The following DAB2IP variants were observed in gnomAD, a reference collection of about 807,000 sequenced individuals.
DAB2IP encodes the protein DAB2 interacting protein.
A neutral mutation model predicts 107.2 loss-of-function variants in DAB2IP; 28 were observed. That is an observed-to-expected ratio of 0.26 (90% CI 0.19 to 0.36). The LOEUF (loss-of-function observed/expected upper bound fraction) is 0.36, where lower values mean the gene tolerates loss of function less well. Ranked by LOEUF, DAB2IP falls within the 10% of genes least tolerant of loss-of-function variation. The probability of loss-of-function intolerance (pLI) is 1.00; values close to 1 mark genes in which losing one functional copy is unlikely to be tolerated. For synonymous variants in DAB2IP, 755 were observed against 706.4 expected, an observed-to-expected ratio of 1.07 and a Z score of -1.09; for missense variants, 1,400 against 1,644.7, an observed-to-expected ratio of 0.85 and a Z score of 2.57.
At chr9:121,759,430 C>T (rs1299865543) in intron 5 of DAB2IP, among the ~76,000 whole-genome samples, 1 of 152,214 alleles carries the variant, frequency 6.6e-6, no homozygotes, top group Non-Finnish European at 1.5e-5. Flanking sequence ...GGAGCCCCCA[C>T]TGTAATCCCT....
intron 1 of DAB2IP, among the ~76,000 whole-genome samples, chr9:121,675,840 G>C (rs890236368): frequency 6.6e-6 from 1 of 152,230 alleles, no homozygotes; most frequent in Middle Eastern, 3.2e-3. Flanking sequence ...GGACAGGAGG[G>C]TGCTCCAGGT....
Position 121,699,042 on chromosome 9 carries a change from C to T in DAB2IP, c.229-283C>T, listed in dbSNP as rs1257012069. On this transcript the variant is annotated intron_variant, in intron 2 of 15. Transcript: ENST00000408936. The surrounding 1 kb of genome is among the most constrained non-coding windows in gnomAD (Gnocchi z 6.2). ...CGGGGGGCTCGGGCAGCCTCGGCCGCGGTCGGCGCGGCTCGGCTCGGCGTC... is the reference window on the plus strand; with the variant it reads ...CGGGGGGCTCGGGCAGCCTCGGCCGTGGTCGGCGCGGCTCGGCTCGGCGTC... Among the ~76,000 whole-genome samples the T allele has an allele frequency of 2.0e-5, 3 of 150,518 alleles. No homozygotes were observed. The East Asian group carries it at 5.9e-4, about 30-fold the overall frequency.
intron 1 of DAB2IP, among the ~76,000 whole-genome samples, chr9:121,625,241 C>CTTTT (rs55645811): frequency 7.0e-5 from 9 of 127,836 alleles, no homozygotes; most frequent in Non-Finnish European, 8.0e-5. Context: ...AGTGGCTGGG[C>CTTTT]TTTTTTTTTT....
rs143088901 is a variant in DAB2IP, at chr9:121,677,001, G to C, written c.125-1677G>C. ...TTCAATGAGCTGTCACCATTTAAGAGTCAGAATACTTCATATTTTGAAAAA... is the reference window on the plus strand; with the variant it reads ...TTCAATGAGCTGTCACCATTTAAGACTCAGAATACTTCATATTTTGAAAAA... On this transcript the variant is annotated intron_variant, in intron 1 of 15. Transcript: ENST00000408936. Among the ~76,000 whole-genome samples the C allele has an allele frequency of 1.2e-3, 190 of 152,340 alleles. 1 individual carries two copies. The highest frequency in any genetic ancestry group is 6.9e-3 in the East Asian group (36 of 5,180).
At position 121,776,679 on chromosome 9, in the gene DAB2IP, T is replaced by C. The variant is rs964872815; in HGVS notation, c.3314+288T>C. On this transcript the variant is annotated intron_variant, in intron 14 of 15. Coordinates refer to ENST00000408936, the Ensembl canonical transcript of DAB2IP. The surrounding 1 kb of genome is among the most constrained non-coding windows in gnomAD (Gnocchi z 5.4). ...TCTACAAGGAGCCATACCATCTTAG[T>C]AAGCACTCTCAGGGGCGCTGAGAAG... 2.0e-5 allele frequency among the ~76,000 whole-genome samples: 3 copies of C among 152,002 alleles called. No individual in the cohort carries two copies. Among genetic ancestry groups the C allele is most frequent in the Non-Finnish European group, 4.4e-5 (3 of 67,976 alleles).
intron 9 of DAB2IP, 117 bp from the exon 10 acceptor site, chr9:121,768,315 G>A (rs1834442387): frequency 9.1e-7 from 1 of 1,100,142 alleles, no homozygotes; most frequent in South Asian, 1.3e-5. Flanking sequence ...CTTGGGGAGT[G>A]AATGGAGTGG....
chr9:121,759,792 T>C (rs1833756726), intron 5 of DAB2IP, 93 bp from the exon 6 acceptor site: 2 of 1,206,256 alleles, frequency 1.7e-6, no homozygotes, highest in East Asian at 2.6e-5. Context: ...TCAGAGCTCC[T>C]CCTGGGTCTG....
At chr9:121,601,070 A>C (rs1830671886) in intron 1 of DAB2IP, among the ~76,000 whole-genome samples, 1 of 152,188 alleles carries the variant, frequency 6.6e-6, no homozygotes, top group Non-Finnish European at 1.5e-5. Flanking sequence ...TTGTAGGCTC[A>C]GGTTTAAACA....
At chr9:121,642,984 G>A (rs1832415435) in intron 1 of DAB2IP, among the ~76,000 whole-genome samples, 1 of 150,220 alleles carries the variant, frequency 6.7e-6, no homozygotes, top group African/African-American at 2.4e-5. Context: ...TTGTGGGAAT[G>A]AGGCAGCAGG....
At chr9:121,628,568 C>T (rs1287520738) in intron 1 of DAB2IP, among the ~76,000 whole-genome samples, 1 of 152,204 alleles carries the variant, frequency 6.6e-6, no homozygotes, top group Non-Finnish European at 1.5e-5. Flanking sequence ...ACTTTTGAAT[C>T]TGCAGAGTGT....
intron 3 of DAB2IP, among the ~76,000 whole-genome samples, chr9:121,748,478 C>T (rs1210997651): frequency 6.6e-6 from 1 of 152,224 alleles, no homozygotes. Flanking sequence ...CTTTAGAGAA[C>T]GTCCTAAAGC....
chr9:121,735,222 T>C (rs531321208), intron 3 of DAB2IP, among the ~76,000 whole-genome samples: 106 of 152,280 alleles, frequency 7.0e-4, no homozygotes, highest in Middle Eastern at 3.4e-3. Context: ...TGGTGTGGAC[T>C]GATGCAAATG....
At chr9:121,626,464 A>C (rs372183852) in intron 1 of DAB2IP, among the ~76,000 whole-genome samples, 203 of 140,712 alleles carry the variant, frequency 1.4e-3, no homozygotes, top group African/African-American at 5.1e-3. Flanking sequence ...TGCTCTATTG[A>C]CCAGGCTGGA....
intron 3 of DAB2IP, among the ~76,000 whole-genome samples, chr9:121,749,999 G>A (rs1219009277): frequency 1.3e-5 from 2 of 152,138 alleles, no homozygotes; most frequent in African/African-American, 2.4e-5. Flanking sequence ...GCAATGAGGT[G>A]GGCGAATGGA....
chr9:121,757,156 A>G (rs1338860947), exon 4 of DAB2IP: 1 of 1,613,896 alleles, frequency 6.2e-7, no homozygotes, highest in Admixed American at 1.7e-5. Context: ...GGCCAGGACT[A>G]CTGCTTCGAG....
rs574105976 is a variant in DAB2IP at position 121,635,261 on chromosome 9, C to A, written c.41-43417C>A. Among the ~76,000 whole-genome samples, 1 of 152,294 alleles carries A rather than the reference C, an allele frequency of 6.6e-6. No homozygotes were observed. Among genetic ancestry groups the A allele is most frequent in the South Asian group, 2.1e-4 (1 of 4,826 alleles). On this transcript the variant is annotated intron_variant, in intron 1 of 16. Coordinates refer to the DAB2IP transcript ENST00000259371. The surrounding 1 kb of genome is among the most constrained non-coding windows in gnomAD (Gnocchi z 4.3). Reference sequence around the variant, plus strand: ...TTCAATGCCTAAAAATAACCTCGGACCTGGTAGGGCACTTCAGAAATTTCC... The same window carrying A: ...TTCAATGCCTAAAAATAACCTCGGAACTGGTAGGGCACTTCAGAAATTTCC...
Position 121,698,588 on chromosome 9 carries a change from T to A in DAB2IP, c.229-737T>A, listed in dbSNP as rs1270913638. Among the ~76,000 whole-genome samples the A allele has an allele frequency of 6.6e-6, 1 of 152,148 alleles. No individual in the cohort carries two copies. The highest frequency in any genetic ancestry group is 1.5e-5 in the Non-Finnish European group (1 of 68,024). Reference sequence around the variant, plus strand: ...CCCTCCCTGAGCTGAGCACTAGGGATCCCGTCCCGCAAGGTGGTTGTCCTT... The same window carrying A: ...CCCTCCCTGAGCTGAGCACTAGGGAACCCGTCCCGCAAGGTGGTTGTCCTT... On this transcript the variant is annotated intron_variant, in intron 2 of 15. Transcript: ENST00000408936. This position sits in a 1 kb window ranked among gnomAD's most constrained non-coding sequence, Gnocchi z 4.1.
chr9:121,636,942 C>G (rs2119026542), intron 1 of DAB2IP, among the ~76,000 whole-genome samples: 1 of 152,288 alleles, frequency 6.6e-6, no homozygotes, highest in South Asian at 2.1e-4. Context: ...CCCTAGGTCA[C>G]AGAGCTGAGA....
chr9:121,643,297 G>C (rs1174653474), intron 1 of DAB2IP, among the ~76,000 whole-genome samples: 1 of 151,944 alleles, frequency 6.6e-6, no homozygotes, highest in African/African-American at 2.4e-5. Context: ...TGCAGAGGGA[G>C]GATCAGAGAG....
Sources: allele counts gnomAD v4.1 joint callset (sites outside exome capture counted in the v4.1 genomes callset), GRCh38; gene constraint gnomAD v4.1.1; non-coding constraint Gnocchi (gnomAD v3.1); transcripts MANE v1.5; gene names NCBI Gene and HGNC (gene_info 2026-07-23, HGNC 2026-07-21).